The following TRABD2A variants were observed in gnomAD, a reference collection of about 807,000 sequenced individuals.
The protein encoded by TRABD2A is TraB domain containing 2A.
In TRABD2A, 43 loss-of-function variants were observed where a neutral mutation model predicts 45.6. The observed-to-expected ratio is 0.94, with a 90% CI of 0.74 to 1.22. TRABD2A has a LOEUF of 1.22. TRABD2A is among the 50% of genes most tolerant of loss of function. The probability of loss-of-function intolerance (pLI) is 0.00; values close to 1 mark genes in which losing one functional copy is unlikely to be tolerated. For missense variants in TRABD2A, 642 were observed against 652.4 expected (o/e 0.98, Z 0.17); for synonymous variants, 269 against 265.0 (o/e 1.02, Z -0.15).
intron 4 of TRABD2A, chr2:84,837,442 T>C (rs1198329057): frequency 6.6e-6 from 1 of 152,266 alleles, no homozygotes. Flanking sequence ...GCTCTGTGTC[T>C]TATAATTGTT....
intron 1 of TRABD2A, among the ~76,000 whole-genome samples, chr2:84,879,994 AACCCCCCCC>A (rs1038336506): frequency 1.0e-4 from 6 of 59,828 alleles, no homozygotes; most frequent in Admixed American, 4.7e-4. Context: ...ACCCACCCCC[AACCCCCCCC>A]ACCCCCGCGT....
At chr2:84,852,623 G>A (rs1682136377) in intron 2 of TRABD2A, among the ~76,000 whole-genome samples, 1 of 152,110 alleles carries the variant, frequency 6.6e-6, no homozygotes, top group African/African-American at 2.4e-5. Context: ...CTTGTACCTG[G>A]AGGTGCTTCC....
intron 2 of TRABD2A, among the ~76,000 whole-genome samples, chr2:84,855,128 C>A (rs1682231144): frequency 6.6e-6 from 1 of 152,132 alleles, no homozygotes; most frequent in African/African-American, 2.4e-5. Flanking sequence ...AAGAGTACAT[C>A]TACCCCACAG....
chr2:84,837,924 G>T, intron 4 of TRABD2A: 1 of 308,132 alleles, frequency 3.2e-6, no homozygotes, highest in Non-Finnish European at 5.9e-6. Flanking sequence ...AAGTTTTTTG[G>T]GCAGCCCCTT....
At chr2:84,877,753 A>C (rs1168967976) in intron 1 of TRABD2A, among the ~76,000 whole-genome samples, 1 of 152,224 alleles carries the variant, frequency 6.6e-6, no homozygotes, top group Non-Finnish European at 1.5e-5. Flanking sequence ...TGCATATTGC[A>C]AGCTAACTCC....
At chr2:84,863,262 T>TTTTTTTTTTTTTTTTTTTTTTTTAG in intron 2 of TRABD2A, among the ~76,000 whole-genome samples, 1 of 146,638 alleles carries the variant, frequency 6.8e-6, no homozygotes. Flanking sequence ...TTTTTTTTTT[T>TTTTTTTTTTTTTTTTTTTTTTTTAG]GAGACGGAGT....
chr2:84,878,778 TA>T (rs2105417208), intron 1 of TRABD2A, among the ~76,000 whole-genome samples: 1 of 152,266 alleles, frequency 6.6e-6, no homozygotes, highest in African/African-American at 2.4e-5. Context: ...ACTTCCACTC[TA>T]GAATCTCAAG....
intron 6 of TRABD2A, among the ~76,000 whole-genome samples, chr2:84,823,648 G>A (rs757061712): frequency 1.3e-5 from 2 of 152,182 alleles, no homozygotes; most frequent in African/African-American, 4.8e-5. Context: ...CATGGAGAAA[G>A]ATATGAAATA....
At chr2:84,861,799 C>A (rs1026353430) in intron 2 of TRABD2A, among the ~76,000 whole-genome samples, 1 of 152,200 alleles carries the variant, frequency 6.6e-6, no homozygotes, top group African/African-American at 2.4e-5. Context: ...GCCCAAAGCA[C>A]CCGCAAGAGC....
At chr2:84,827,796 G>GT (rs1681194091) in intron 5 of TRABD2A, among the ~76,000 whole-genome samples, 1 of 152,196 alleles carries the variant, frequency 6.6e-6, no homozygotes, top group Non-Finnish European at 1.5e-5. Flanking sequence ...TGGAAGAATG[G>GT]TTATAGAGAT....
rs769094685 is a variant in TRABD2A at position 84,841,934 on chromosome 2, G to A, written c.743C>T (p.Thr248Met). The change falls in exon 3 of 7, where the codon ACG (threonine) becomes ATG (methionine). Residue 248 changes from threonine (T) to methionine (M), a missense_variant. By Grantham distance (81) the Thr-to-Met change is moderately conservative. Transcript: ENST00000409520. Reference protein sequence around the residue: ...LRAGSLQIPYTTEDLIKHYNC... With the variant: ...LRAGSLQIPYMTEDLIKHYNC... ...ATAGTGTTTGATGAGATCCTCCGTC[G>A]TGTAGGGGATCTGAAGACTGCCTGC... 4.6e-5 allele frequency: 71 copies of A among 1,548,510 alleles called. No individual in the cohort carries two copies. Among genetic ancestry groups the A allele is most frequent in the East Asian group, 4.4e-4 (18 of 40,862 alleles).
Position 84,830,321 on chromosome 2 carries a change from G to A in TRABD2A, c.1082+1734C>T, listed in dbSNP as rs1451883723. Among the ~76,000 whole-genome samples, 1 of 152,198 alleles carries A rather than the reference G, an allele frequency of 6.6e-6. No homozygotes were observed. Among genetic ancestry groups the A allele is most frequent in the Non-Finnish European group, 1.5e-5 (1 of 68,042 alleles). On this transcript the variant is annotated intron_variant, in intron 5 of 6. Transcript: ENST00000409520. The surrounding 1 kb of genome is among the most constrained non-coding windows in gnomAD (Gnocchi z 4.9). Reference sequence around the variant, plus strand: ...AGGAGAGGAGGGCTCCTCAGAAGGGGGAAGTAGCGTCAGTAAAGGAGAGGC... The same window carrying A: ...AGGAGAGGAGGGCTCCTCAGAAGGGAGAAGTAGCGTCAGTAAAGGAGAGGC...
At chr2:84,832,995 T>A (rs1290515439) in intron 4 of TRABD2A, 1 of 152,128 alleles carries the variant, frequency 6.6e-6, no homozygotes, top group Non-Finnish European at 1.5e-5. Flanking sequence ...CCCACTGTAG[T>A]CTCAGGAGTC....
chr2:84,870,900 T>C, intron 1 of TRABD2A, 115 bp from the exon 2 acceptor site: 1 of 1,106,740 alleles, frequency 9.0e-7, no homozygotes, highest in African/African-American at 1.6e-5. Flanking sequence ...AAGTAGAATT[T>C]AGACTTTTGA....
intron 6 of TRABD2A, among the ~76,000 whole-genome samples, chr2:84,823,127 G>T (rs1033344260): frequency 6.6e-6 from 1 of 152,052 alleles, no homozygotes; most frequent in Non-Finnish European, 1.5e-5. Flanking sequence ...TTCCACTTTG[G>T]CTTCTACTCA....
intron 2 of TRABD2A, among the ~76,000 whole-genome samples, chr2:84,864,953 G>A (rs2105403609): frequency 6.6e-6 from 1 of 152,250 alleles, no homozygotes; most frequent in Non-Finnish European, 1.5e-5. Flanking sequence ...GGCTGAGAGA[G>A]GTGGCATCCT....
At chr2:84,843,950 T>A (rs2105383871) in intron 2 of TRABD2A, 1 of 152,290 alleles carries the variant, frequency 6.6e-6, no homozygotes, top group East Asian at 1.9e-4. Flanking sequence ...AGGAGACAGA[T>A]CTCTCTGTAA....
chr2:84,836,226 A>C (rs1010679861), intron 4 of TRABD2A: 1 of 152,258 alleles, frequency 6.6e-6, no homozygotes, highest in Non-Finnish European at 1.5e-5. Flanking sequence ...GATCTAATTG[A>C]CATTTAAAGA....
chr2:84,859,944 A>G (rs1682437310), intron 2 of TRABD2A, among the ~76,000 whole-genome samples: 1 of 147,690 alleles, frequency 6.8e-6, no homozygotes, highest in Non-Finnish European at 1.5e-5. Context: ...TATTTTTTGG[A>G]GAGATGGGGG....
Sources: allele counts gnomAD v4.1 joint callset (sites outside exome capture counted in the v4.1 genomes callset), GRCh38; gene constraint gnomAD v4.1.1; non-coding constraint Gnocchi (gnomAD v3.1); transcripts MANE v1.5; gene names NCBI Gene and HGNC (gene_info 2026-07-23, HGNC 2026-07-21).